The following CTDSPL2 variants were observed in gnomAD, a reference collection of about 807,000 sequenced individuals.
CTDSPL2 encodes CTD small phosphatase-like protein 2.
A neutral mutation model predicts 60.0 loss-of-function variants in CTDSPL2; 5 were observed. The observed-to-expected ratio is 0.08, with a 90% CI of 0.04 to 0.18. The LOEUF is 0.18. CTDSPL2 is among the 10% of genes least tolerant of loss of function. The pLI, the probability that CTDSPL2 is intolerant of heterozygous loss-of-function variation, is 1.00. For synonymous variants in CTDSPL2, 186 were observed against 189.3 expected (o/e 0.98, Z 0.14); for missense variants, 370 against 548.8 (o/e 0.67, Z 3.26).
At chr15:44,453,573 C>A (rs182982630) in intron 1 of CTDSPL2, among the ~76,000 whole-genome samples, 64 of 135,650 alleles carry the variant, frequency 4.7e-4, no homozygotes, top group Non-Finnish European at 8.6e-4. Flanking sequence ...ATCCCTCCCC[C>A]ATCCCCCCCA....
At chr15:44,507,271 G>T (rs750013933) in intron 8 of CTDSPL2, among the ~76,000 whole-genome samples, 1 of 151,160 alleles carries the variant, frequency 6.6e-6, no homozygotes, top group South Asian at 2.1e-4. Flanking sequence ...TTTTAGTAGA[G>T]ATGGGGTTTC....
chr15:44,456,442 A>G (rs1351757621), intron 1 of CTDSPL2, among the ~76,000 whole-genome samples: 1 of 152,156 alleles, frequency 6.6e-6, no homozygotes, highest in African/African-American at 2.4e-5. Flanking sequence ...CTATTCAGAG[A>G]TTCAACTTCT....
chr15:44,468,145 A>G (rs2080734100), intron 2 of CTDSPL2, among the ~76,000 whole-genome samples: 1 of 152,152 alleles, frequency 6.6e-6, no homozygotes. Flanking sequence ...ATTTGGCAGA[A>G]TTCACTGTTG....
intron 1 of CTDSPL2, among the ~76,000 whole-genome samples, chr15:44,451,222 T>G (rs948017554): frequency 1.3e-5 from 2 of 152,052 alleles, no homozygotes; most frequent in African/African-American, 4.8e-5. Context: ...TCTCTCAGCC[T>G]TCCAAGTAGC....
intron 1 of CTDSPL2, among the ~76,000 whole-genome samples, chr15:44,441,841 A>G (rs1393875576): frequency 2.0e-5 from 3 of 152,170 alleles, no homozygotes; most frequent in Non-Finnish European, 4.4e-5. Flanking sequence ...ATCTCTAGGA[A>G]AAACTCCAGT....
intron 1 of CTDSPL2, among the ~76,000 whole-genome samples, chr15:44,456,438 A>G (rs2080442296): frequency 6.6e-6 from 1 of 152,186 alleles, no homozygotes; most frequent in South Asian, 2.1e-4. Flanking sequence ...TGTTCTATTC[A>G]GAGATTCAAC....
At chr15:44,428,998 T>A (rs2079802910) in intron 1 of CTDSPL2, among the ~76,000 whole-genome samples, 1 of 152,196 alleles carries the variant, frequency 6.6e-6, no homozygotes, top group Admixed American at 6.6e-5. Context: ...GGTTTTTTTG[T>A]TTTCACTAAT....
intron 7 of CTDSPL2, among the ~76,000 whole-genome samples, chr15:44,497,806 G>A (rs551679895): frequency 1.8e-4 from 27 of 152,164 alleles, no homozygotes; most frequent in African/African-American, 6.3e-4. Flanking sequence ...AGACCAGCCT[G>A]ACCAACATGG....
At chr15:44,476,808 TG>T (rs1236141777) in intron 2 of CTDSPL2, among the ~76,000 whole-genome samples, 1 of 152,196 alleles carries the variant, frequency 6.6e-6, no homozygotes, top group African/African-American at 2.4e-5. Context: ...CCAGTTGTTA[TG>T]TGATGCATTA....
intron 2 of CTDSPL2, among the ~76,000 whole-genome samples, chr15:44,480,237 T>C (rs1567084088): frequency 1.3e-5 from 2 of 152,202 alleles, no homozygotes; most frequent in Admixed American, 6.5e-5. Flanking sequence ...CTCCCCCTTA[T>C]TTCATTTGCT....
intron 2 of CTDSPL2, among the ~76,000 whole-genome samples, chr15:44,476,576 T>TA (rs1279427688): frequency 6.6e-6 from 1 of 152,110 alleles, no homozygotes; most frequent in Non-Finnish European, 1.5e-5. Context: ...TCCAATAAGG[T>TA]TATAATACCA....
chr15:44,436,363 A>G (rs1314981205), intron 1 of CTDSPL2, among the ~76,000 whole-genome samples: 1 of 152,190 alleles, frequency 6.6e-6, no homozygotes, highest in African/African-American at 2.4e-5. Flanking sequence ...CATGTAGTGA[A>G]TGTTTGTCTT....
intron 2 of CTDSPL2, among the ~76,000 whole-genome samples, chr15:44,463,107 A>G (rs545681939): frequency 4.6e-4 from 70 of 152,266 alleles, no homozygotes; most frequent in African/African-American, 1.6e-3. Context: ...AAGATGTTAC[A>G]TAAGATCGGG....
chr15:44,490,504 T>G (rs984812100), intron 4 of CTDSPL2, among the ~76,000 whole-genome samples: 1 of 152,168 alleles, frequency 6.6e-6, no homozygotes, highest in African/African-American at 2.4e-5. Flanking sequence ...TTCTCATGAT[T>G]AGGGGAACAG....
At chr15:44,429,321 A>G (rs2141243605) in intron 1 of CTDSPL2, among the ~76,000 whole-genome samples, 1 of 152,318 alleles carries the variant, frequency 6.6e-6, no homozygotes, top group East Asian at 1.9e-4. Flanking sequence ...CTACTTGCCG[A>G]GTCAGTTTAT....
chr15:44,492,029 A>G (rs1446381557), intron 5 of CTDSPL2, among the ~76,000 whole-genome samples: 1 of 146,158 alleles, frequency 6.8e-6, no homozygotes, highest in Non-Finnish European at 1.5e-5. Context: ...ACTCCCAGCT[A>G]TTTTTTTTTT....
At chr15:44,489,206 A>T (rs2140800442) in intron 4 of CTDSPL2, among the ~76,000 whole-genome samples, 1 of 117,254 alleles carries the variant, frequency 8.5e-6, no homozygotes, top group Non-Finnish European at 1.6e-5. Flanking sequence ...TATTTGGATT[A>T]TGACCAGTCT....
rs554976032 is a variant in CTDSPL2 at position 44,486,459 on chromosome 15, A to G, written c.326-92A>G. Reference sequence around the variant, plus strand: ...TAGCTTTCGTGAAGTATTTTGAGGGAAAAAGAGTTACTTCTATAATGAATG... The same window carrying G: ...TAGCTTTCGTGAAGTATTTTGAGGGGAAAAGAGTTACTTCTATAATGAATG... On this transcript the variant is annotated intron_variant, in intron 3 of 12. Transcript: ENST00000260327. 9.1e-5 allele frequency: 81 copies of G among 885,376 alleles called. 1 individual carries two copies. In the South Asian group the frequency reaches 1.9e-3, roughly 21 times the overall value. 54.8% of individuals were successfully genotyped at this position (885,376 alleles called of 1,614,324 possible).
chr15:44,475,041 C>G (rs2080888202), intron 2 of CTDSPL2, among the ~76,000 whole-genome samples: 1 of 152,044 alleles, frequency 6.6e-6, no homozygotes, highest in African/African-American at 2.4e-5. Flanking sequence ...CATGCATTCA[C>G]AGTAACAAAA....
Sources: allele counts gnomAD v4.1 joint callset (sites outside exome capture counted in the v4.1 genomes callset), GRCh38; gene constraint gnomAD v4.1.1; transcripts MANE v1.5; gene names NCBI Gene and HGNC (gene_info 2026-07-23, HGNC 2026-07-21).